The following AHI1 variants were observed in gnomAD, a reference collection of about 807,000 sequenced individuals.
AHI1 encodes the protein jouberin.
Under a neutral mutation model 149.3 loss-of-function variants are expected in AHI1, and 123 were observed. The ratio of observed to expected loss-of-function variants is 0.82; its 90% CI spans 0.71 to 0.96. The LOEUF (loss-of-function observed/expected upper bound fraction) is 0.96, where lower values mean the gene tolerates loss of function less well. Ranked by LOEUF, AHI1 falls within the 40% of genes least tolerant of loss-of-function variation. The pLI is 0.00. For missense variants in AHI1, 1,439 were observed against 1,422.7 expected (o/e 1.01, Z -0.18); for synonymous variants, 475 against 459.8 (o/e 1.03, Z -0.42).
Position 135,428,771 on chromosome 6 carries a change from A to G in AHI1, c.2493-12T>C, listed in dbSNP as rs753811172. ...TCCTTGCTACTAATCTACAAGCAAA[A>G]AAGATTTTACAAATGTAACTGTCTT... On this transcript the variant is annotated splice_polypyrimidine_tract_variant and intron_variant, in intron 18 of 28. Coordinates refer to ENST00000265602, the MANE Select transcript of AHI1 (RefSeq NM_001134831.2). The G allele has an allele frequency of 1.1e-5, 18 of 1,590,656 alleles. No homozygotes were observed. In the East Asian group the frequency reaches 1.6e-4, roughly 14 times the overall value.
chr6:135,477,686 T>C (rs1369244442), intron 5 of AHI1, among the ~76,000 whole-genome samples: 2 of 152,210 alleles, frequency 1.3e-5, no homozygotes, highest in Non-Finnish European at 2.9e-5. Context: ...TCTCCTGCTC[T>C]GGCCATGTGA....
chr6:135,441,535 TC>T (rs1189455284), intron 14 of AHI1, among the ~76,000 whole-genome samples: 1 of 149,310 alleles, frequency 6.7e-6, no homozygotes, highest in Admixed American at 6.6e-5. Context: ...AGACAAAGAT[TC>T]CTCTTCCTCC....
chr6:135,388,884 C>T (rs992039434), intron 23 of AHI1, among the ~76,000 whole-genome samples: 6 of 151,806 alleles, frequency 4.0e-5, no homozygotes, highest in South Asian at 2.1e-4. Flanking sequence ...TGGTGGCAGG[C>T]GCCTGCAATC....
chr6:135,355,764 T>C (rs1247419953), intron 24 of AHI1, among the ~76,000 whole-genome samples: 1 of 152,146 alleles, frequency 6.6e-6, no homozygotes, highest in African/African-American at 2.4e-5. Flanking sequence ...CTGGGCGTGG[T>C]TGTGGACGCC....
At chr6:135,407,221 C>T (rs1780919114) in intron 21 of AHI1, among the ~76,000 whole-genome samples, 3 of 152,106 alleles carry the variant, frequency 2.0e-5, no homozygotes, top group Admixed American at 2.0e-4. Flanking sequence ...ACAAAAATTA[C>T]ACCCTAAACC....
chr6:135,367,774 C>CT (rs1302593414), intron 23 of AHI1, among the ~76,000 whole-genome samples: 1 of 151,914 alleles, frequency 6.6e-6, no homozygotes, highest in Non-Finnish European at 1.5e-5. Flanking sequence ...TAAAAAATTT[C>CT]TTTAAGTTGG....
At chr6:135,453,960 C>T (rs1007947599) in intron 10 of AHI1, among the ~76,000 whole-genome samples, 1 of 152,014 alleles carries the variant, frequency 6.6e-6, no homozygotes, top group Non-Finnish European at 1.5e-5. Context: ...CCACAGAGAT[C>T]GTATTCTAGA....
chr6:135,439,823 A>C (rs941989273), intron 14 of AHI1, among the ~76,000 whole-genome samples: 6 of 152,276 alleles, frequency 3.9e-5, no homozygotes, highest in Middle Eastern at 3.4e-3. Context: ...TCAGGCTTCC[A>C]CTGAGGGTCT....
At position 135,393,111 on chromosome 6, in the gene AHI1, G is replaced by A. The variant is rs556238701; in HGVS notation, c.3109+1665C>T. 3.9e-5 allele frequency among the ~76,000 whole-genome samples: 6 copies of A among 152,126 alleles called. No homozygotes were observed. In the East Asian group the frequency reaches 1.2e-3, roughly 29 times the overall value. Reference sequence around the variant, plus strand: ...TCCCTCTTATGGCCTACATGGCCATGGAAACTGAAGCGAAATGGAGCCAAT... The same window carrying A: ...TCCCTCTTATGGCCTACATGGCCATAGAAACTGAAGCGAAATGGAGCCAAT... On this transcript the variant is annotated intron_variant, in intron 23 of 28. Coordinates refer to ENST00000265602, the MANE Select transcript of AHI1 (RefSeq NM_001134831.2).
chr6:135,390,458 AAAG>A (rs897683318), intron 23 of AHI1, among the ~76,000 whole-genome samples: 2 of 152,136 alleles, frequency 1.3e-5, no homozygotes, highest in Admixed American at 1.3e-4. Flanking sequence ...CTAGTAAAAA[AAAG>A]AAGGTAATAC....
Position 135,391,602 on chromosome 6 carries a change from G to C in AHI1, c.3109+3174C>G, listed in dbSNP as rs145487085. ...TGAATTCCTCAGTGCGGTATGATTT[G>C]ACCCAATCTACCTCTGCAAACTTAG... On this transcript the variant is annotated intron_variant, in intron 23 of 28. Transcript: ENST00000265602. 4.3e-4 allele frequency among the ~76,000 whole-genome samples: 66 copies of C among 152,216 alleles called. No homozygotes were observed. In the East Asian group the frequency reaches 0.01, roughly 23 times the overall value.
intron 22 of AHI1, among the ~76,000 whole-genome samples, chr6:135,404,028 A>G (rs1026167326): frequency 6.6e-6 from 1 of 152,124 alleles, no homozygotes; most frequent in African/African-American, 2.4e-5. Context: ...TGAATTAAAA[A>G]AAAAAAAAAA....
intron 23 of AHI1, among the ~76,000 whole-genome samples, chr6:135,381,266 A>G (rs1187124851): frequency 6.6e-6 from 1 of 152,212 alleles, no homozygotes; most frequent in Non-Finnish European, 1.5e-5. Flanking sequence ...ACACCTGTTC[A>G]TGCCCTATAT....
At chr6:135,320,711 G>C (rs1340251647) in intron 25 of AHI1, among the ~76,000 whole-genome samples, 3 of 152,184 alleles carry the variant, frequency 2.0e-5, no homozygotes, top group African/African-American at 7.2e-5. Context: ...ACCCTGCCTA[G>C]AGATACACAA....
At chr6:135,463,424 T>G in intron 7 of AHI1, 118 bp from the exon 8 acceptor site, 1 of 856,222 alleles carries the variant, frequency 1.2e-6, no homozygotes, top group Non-Finnish European at 1.7e-6. Flanking sequence ...TCACTATTAT[T>G]GTCTCTTGAG....
In AHI1 at chr6:135,285,648, C is replaced by A; in HGVS notation, c.3589-1G>T. 6.2e-7 allele frequency: 1 copy of A among 1,605,958 alleles called. No individual in the cohort carries two copies. Among genetic ancestry groups the A allele is most frequent in the Non-Finnish European group, 8.5e-7 (1 of 1,175,196 alleles). ...CTCTTAACTTTTCTTCAATTCTTTA[C>A]TGGAAAGAAAAATACACAAAATGTA... On this transcript the variant is annotated splice_acceptor_variant, in intron 28 of 28. Transcript: ENST00000265602. LOFTEE classifies it high-confidence loss of function.
chr6:135,341,862 A>C (rs1008520437), intron 24 of AHI1, among the ~76,000 whole-genome samples: 1 of 151,972 alleles, frequency 6.6e-6, no homozygotes, highest in African/African-American at 2.4e-5. Flanking sequence ...AGAGAAAAAG[A>C]TATCAAGTGA....
intron 26 of AHI1, among the ~76,000 whole-genome samples, chr6:135,308,063 T>A (rs1784730025): frequency 6.6e-6 from 1 of 152,074 alleles, no homozygotes. Context: ...CAAAAAAAGG[T>A]CATGCTGCTT....
intron 11 of AHI1, among the ~76,000 whole-genome samples, chr6:135,449,566 G>GT (rs1242474632): frequency 2.0e-5 from 3 of 152,102 alleles, no homozygotes; most frequent in Non-Finnish European, 4.4e-5. Flanking sequence ...TGCCCGGAAG[G>GT]TATTTAACAA....
Sources: allele counts gnomAD v4.1 joint callset (sites outside exome capture counted in the v4.1 genomes callset), GRCh38; gene constraint gnomAD v4.1.1; transcripts MANE v1.5; gene names NCBI Gene and HGNC (gene_info 2026-07-23, HGNC 2026-07-21).